UBE3D: variants seen among roughly 807,000 people sequenced by gnomAD.
The protein encoded by UBE3D is E3 ubiquitin-protein ligase E3D.
UBE3D carries 48 observed loss-of-function variants against 49.6 expected under a neutral mutation model. That is an observed-to-expected ratio of 0.97 (90% CI 0.77 to 1.23). The LOEUF (loss-of-function observed/expected upper bound fraction) is 1.23, where lower values mean the gene tolerates loss of function less well. Among genes scored for constraint, UBE3D ranks in the 50% most tolerant of loss-of-function variants. The probability of loss-of-function intolerance (pLI) is 0.00; values close to 1 mark genes in which losing one functional copy is unlikely to be tolerated. For missense variants in UBE3D, 452 were observed against 468.4 expected, an observed-to-expected ratio of 0.96 and a Z score of 0.32; for synonymous variants, 189 against 174.2, an observed-to-expected ratio of 1.08 and a Z score of -0.67.
chr6:82,959,658 A>C (rs1582470252), intron 8 of UBE3D, among the ~76,000 whole-genome samples: 1 of 148,072 alleles, frequency 6.8e-6, no homozygotes, highest in Admixed American at 6.9e-5. Context: ...AAGTGATCTT[A>C]AGAATTGGCT....
chr6:82,902,517 A>G (rs1236299611), intron 9 of UBE3D, among the ~76,000 whole-genome samples: 1 of 152,182 alleles, frequency 6.6e-6, no homozygotes, highest in African/African-American at 2.4e-5. Context: ...AAAAATCTCA[A>G]AAGGTTACAT....
intron 8 of UBE3D, among the ~76,000 whole-genome samples, chr6:82,978,140 C>T (rs1382627185): frequency 1.3e-5 from 1 of 78,068 alleles, no homozygotes. Flanking sequence ...AGATCTTGTA[C>T]CAGGCAACAC....
chr6:82,999,931 A>C (rs1257122922), intron 8 of UBE3D, among the ~76,000 whole-genome samples: 1 of 152,160 alleles, frequency 6.6e-6, no homozygotes. Context: ...CATCCAATGC[A>C]TGTTTTACAT....
intron 9 of UBE3D, among the ~76,000 whole-genome samples, chr6:82,938,980 G>A (rs553599428): frequency 3.3e-5 from 5 of 151,930 alleles, no homozygotes; most frequent in Admixed American, 2.6e-4. Flanking sequence ...TCAGCAGTTC[G>A]AGGCTGCAGT....
the UBE3D span, among the ~76,000 whole-genome samples, chr6:82,885,728 G>T: frequency 6.6e-6 from 1 of 152,164 alleles, no homozygotes; most frequent in East Asian, 1.9e-4. Context: ...GAAGGGGATT[G>T]TTCTGCAGGT....
chr6:82,953,370 T>G (rs117802945), intron 9 of UBE3D, among the ~76,000 whole-genome samples: 2,620 of 152,246 alleles, frequency 0.017, 36 homozygotes, highest in Middle Eastern at 0.041. Context: ...CTTCTTCGAG[T>G]TTTTCTCATT....
chr6:82,978,137 G>C (rs1279553578), intron 8 of UBE3D, among the ~76,000 whole-genome samples: 2 of 78,134 alleles, frequency 2.6e-5, no homozygotes, highest in Admixed American at 1.5e-4. Flanking sequence ...CCCAGATCTT[G>C]TACCAGGCAA....
chr6:83,019,842 G>T (rs181878422), intron 7 of UBE3D, among the ~76,000 whole-genome samples: 1 of 152,184 alleles, frequency 6.6e-6, no homozygotes. Context: ...CTAGCTTTCT[G>T]TGCCCCAGGA....
chr6:83,000,873 T>G lies in UBE3D; in HGVS notation c.1010+18100A>C, dbSNP rs1185100529. Among the ~76,000 whole-genome samples the G allele has an allele frequency of 2.6e-5, 4 of 151,324 alleles. No individual in the cohort carries two copies. The East Asian group carries it at 7.8e-4, about 29-fold the overall frequency. On this transcript the variant is annotated intron_variant, in intron 8 of 9. Coordinates refer to ENST00000369747, the MANE Select transcript of UBE3D (RefSeq NM_198920.3). Reference sequence around the variant, plus strand: ...TTTTTTTTTTTTTTGAGACGGAGTCTCGCTCTTGTTGCCCAGACTGAAGTG... The same window carrying G: ...TTTTTTTTTTTTTTGAGACGGAGTCGCGCTCTTGTTGCCCAGACTGAAGTG...
At chr6:82,926,116 C>G (rs1773732373) in intron 9 of UBE3D, among the ~76,000 whole-genome samples, 1 of 152,086 alleles carries the variant, frequency 6.6e-6, no homozygotes, top group Admixed American at 6.6e-5. Context: ...TTACTCAAGC[C>G]CCTTTCAATT....
At chr6:82,890,580 T>C (rs889946171), downstream of UBE3D, among the ~76,000 whole-genome samples, 2 of 152,168 alleles carry the variant, frequency 1.3e-5, no homozygotes, top group Non-Finnish European at 2.9e-5. Context: ...TGCATGTGTG[T>C]GTTGCATGAC....
At chr6:82,891,100 A>C (rs1427048189), downstream of UBE3D, among the ~76,000 whole-genome samples, 1 of 152,258 alleles carries the variant, frequency 6.6e-6, no homozygotes, top group Non-Finnish European at 1.5e-5. Flanking sequence ...CCAGAAAAAG[A>C]TTCAGATTTT....
At chr6:82,895,786 C>T (rs1224670002) in intron 9 of UBE3D, among the ~76,000 whole-genome samples, 1 of 152,170 alleles carries the variant, frequency 6.6e-6, no homozygotes, top group East Asian at 1.9e-4. Flanking sequence ...CTAATCCATG[C>T]TTTTCCCACT....
At chr6:83,054,059 T>G in intron 3 of UBE3D, 89 bp downstream of exon 3, 1 of 1,105,670 alleles carries the variant, frequency 9.0e-7, no homozygotes, top group Non-Finnish European at 1.4e-6. Flanking sequence ...CATATACTAC[T>G]CCATTGGCAA....
At chr6:83,032,896 C>T (rs868374588) in intron 5 of UBE3D, among the ~76,000 whole-genome samples, 3 of 152,314 alleles carry the variant, frequency 2.0e-5, no homozygotes, top group Middle Eastern at 3.4e-3. Context: ...TCCCCCTTCA[C>T]CTTTTGCCAT....
At chr6:82,913,963 T>C (rs928386125) in intron 9 of UBE3D, among the ~76,000 whole-genome samples, 1 of 152,184 alleles carries the variant, frequency 6.6e-6, no homozygotes, top group Non-Finnish European at 1.5e-5. Context: ...CTTCTCACTT[T>C]GGCTCACAGA....
At chr6:83,014,681 C>T (rs1484481408) in intron 8 of UBE3D, among the ~76,000 whole-genome samples, 5 of 152,192 alleles carry the variant, frequency 3.3e-5, no homozygotes, top group Admixed American at 2.0e-4. Flanking sequence ...CCCCAGTGAA[C>T]AGTTAGCCTG....
At chr6:83,040,646 G>T (rs527551908) in intron 4 of UBE3D, among the ~76,000 whole-genome samples, 1 of 152,214 alleles carries the variant, frequency 6.6e-6, no homozygotes, top group East Asian at 1.9e-4. Context: ...GCAGTATTTG[G>T]ACAGATTCTG....
intron 3 of UBE3D, among the ~76,000 whole-genome samples, chr6:83,049,553 AT>A (rs1344071564): frequency 2.0e-5 from 3 of 152,138 alleles, no homozygotes; most frequent in Admixed American, 2.0e-4. Context: ...GGGAGTAGTT[AT>A]TTTCAGGTTA....
Sources: gnomAD v4.1 joint callset for allele counts (sites outside exome capture counted in the v4.1 genomes callset) on GRCh38, gnomAD v4.1.1 for gene constraint, MANE v1.5 for transcripts, NCBI Gene and HGNC (gene_info 2026-07-23, HGNC 2026-07-21) for gene names.